IMMP2L: variants seen among roughly 807,000 people sequenced by gnomAD.
IMMP2L encodes the protein mitochondrial inner membrane protease subunit 2.
Under a neutral mutation model 19.3 loss-of-function variants are expected in IMMP2L, and 18 were observed. The observed-to-expected ratio is 0.93, with a 90% CI of 0.64 to 1.38. The LOEUF is 1.38. IMMP2L is among the 40% of genes most tolerant of loss of function. IMMP2L has a pLI of 0.00. For missense variants in IMMP2L, 233 were observed against 218.2 expected (o/e 1.07, Z -0.43); for synonymous variants, 76 against 73.0 (o/e 1.04, Z -0.21).
intron 5 of IMMP2L, among the ~76,000 whole-genome samples, chr7:110,782,816 G>A (rs1199549069): frequency 1.3e-5 from 2 of 151,962 alleles, no homozygotes; most frequent in African/African-American, 4.8e-5. Flanking sequence ...TAAAGTATGG[G>A]CATAGGAGCA....
intron 3 of IMMP2L, among the ~76,000 whole-genome samples, chr7:111,228,456 CA>C (rs1274144846): frequency 6.6e-6 from 1 of 150,960 alleles, no homozygotes; most frequent in Non-Finnish European, 1.5e-5. Context: ...AAATACCTCC[CA>C]AAAGCCAGGA....
intron 2 of IMMP2L, among the ~76,000 whole-genome samples, chr7:111,518,275 C>T (rs1346351264): frequency 3.9e-5 from 6 of 152,064 alleles, no homozygotes; most frequent in Admixed American, 2.0e-4. Flanking sequence ...AAAAACAATT[C>T]TTACAGCAAA....
intron 3 of IMMP2L, among the ~76,000 whole-genome samples, chr7:111,444,612 C>T (rs1487151079): frequency 6.6e-6 from 1 of 152,070 alleles, no homozygotes; most frequent in African/African-American, 2.4e-5. Flanking sequence ...TCTTCATTTT[C>T]CTCATCGCTT....
At chr7:111,169,997 T>G (rs1242378726) in intron 3 of IMMP2L, among the ~76,000 whole-genome samples, 1 of 151,906 alleles carries the variant, frequency 6.6e-6, no homozygotes, top group Non-Finnish European at 1.5e-5. Flanking sequence ...AAAAGATATG[T>G]AGATATAAAA....
chr7:110,684,942 A>T (rs1476895610), intron 5 of IMMP2L, among the ~76,000 whole-genome samples: 4 of 152,072 alleles, frequency 2.6e-5, no homozygotes, highest in Non-Finnish European at 1.5e-5. Flanking sequence ...CAACAGTTCC[A>T]AATTTTCCTT....
At chr7:111,483,779 T>C (rs1457424119) in intron 3 of IMMP2L, 1 of 152,152 alleles carries the variant, frequency 6.6e-6, no homozygotes, top group African/African-American at 2.4e-5. Context: ...AAGATTTCAG[T>C]GTAATGCAGA....
chr7:110,928,346 T>C (rs1208478132), intron 4 of IMMP2L, among the ~76,000 whole-genome samples: 2 of 134,262 alleles, frequency 1.5e-5, no homozygotes, highest in Non-Finnish European at 3.1e-5. Flanking sequence ...TGTGTATATG[T>C]ACCTGCACAC....
intron 5 of IMMP2L, among the ~76,000 whole-genome samples, chr7:110,753,529 T>C (rs891706736): frequency 1.1e-4 from 17 of 152,040 alleles, no homozygotes. Flanking sequence ...AATGCTGAAT[T>C]CTAAACTATT....
At chr7:110,886,177 T>G (rs1240279181) in intron 5 of IMMP2L, among the ~76,000 whole-genome samples, 1 of 152,116 alleles carries the variant, frequency 6.6e-6, no homozygotes, top group East Asian at 1.9e-4. Flanking sequence ...TTTACCAATA[T>G]GATTTCTATT....
chr7:110,963,139 A>C, intron 4 of IMMP2L: 1 of 1,454,418 alleles, frequency 6.9e-7, no homozygotes, highest in Non-Finnish European at 9.1e-7. Flanking sequence ...CTTCTAAAAT[A>C]GTTAAATGTT....
intron 3 of IMMP2L, among the ~76,000 whole-genome samples, chr7:110,992,878 A>C (rs571129104): frequency 6.6e-6 from 1 of 152,270 alleles, no homozygotes; most frequent in Non-Finnish European, 1.5e-5. Flanking sequence ...TTCAGTCCCC[A>C]GAGATAAAAT....
intron 3 of IMMP2L, among the ~76,000 whole-genome samples, chr7:111,478,833 T>C (rs534890162): frequency 4.8e-4 from 73 of 152,304 alleles, no homozygotes; most frequent in Admixed American, 2.0e-3. Flanking sequence ...TCCTGGCTTC[T>C]AATATGCATG....
intron 3 of IMMP2L, chr7:111,392,813 C>G (rs765929684): frequency 6.6e-6 from 3 of 456,508 alleles, no homozygotes; most frequent in South Asian, 3.1e-5. Flanking sequence ...ATTACTGGTG[C>G]ATTAAAAGTA....
intron 3 of IMMP2L, among the ~76,000 whole-genome samples, chr7:110,982,772 A>C (rs1821435553): frequency 6.6e-6 from 1 of 152,116 alleles, no homozygotes; most frequent in Non-Finnish European, 1.5e-5. Context: ...TTTCAACTAC[A>C]ACAAATGGAT....
At chr7:111,331,104 T>A (rs1184874731) in intron 3 of IMMP2L, among the ~76,000 whole-genome samples, 1 of 151,850 alleles carries the variant, frequency 6.6e-6, no homozygotes, top group East Asian at 1.9e-4. Context: ...TTGAAATCAG[T>A]TTGTTGAAGA....
At chr7:111,280,829 GGAGGCC>G (rs1175677714) in intron 3 of IMMP2L, among the ~76,000 whole-genome samples, 6 of 152,020 alleles carry the variant, frequency 3.9e-5, no homozygotes, top group African/African-American at 1.4e-4. Flanking sequence ...CAGGACTTTG[GGAGGCC>G]GAGGCAGGCA....
At chr7:111,259,848 T>C (rs1031388521) in intron 3 of IMMP2L, among the ~76,000 whole-genome samples, 4 of 152,136 alleles carry the variant, frequency 2.6e-5, no homozygotes, top group African/African-American at 9.7e-5. Context: ...TAAAAAATGT[T>C]TTAAATATTT....
chr7:110,854,805 C>G (rs1806584590), intron 5 of IMMP2L, among the ~76,000 whole-genome samples: 2 of 151,986 alleles, frequency 1.3e-5, no homozygotes, highest in African/African-American at 4.8e-5. Flanking sequence ...TTACTCATCT[C>G]TGCCTCATAC....
At position 110,977,055 on chromosome 7, in the gene IMMP2L, C is replaced by T. The variant is rs564349167; in HGVS notation, c.240-13490G>A. Among the ~76,000 whole-genome samples the T allele has an allele frequency of 4.9e-4, 74 of 151,958 alleles. 1 individual carries two copies. Among genetic ancestry groups the T allele is most frequent in the African/African-American group, 1.7e-3 (71 of 41,510 alleles). ...TTTTTAAAGAATATAAAAACCTCCTCGGATCAGGCAAAATGACAGACAAAC... is the reference window on the plus strand; with the variant it reads ...TTTTTAAAGAATATAAAAACCTCCTTGGATCAGGCAAAATGACAGACAAAC... On this transcript the variant is annotated intron_variant, in intron 3 of 5. Transcript: ENST00000405709.
Sources: allele counts gnomAD v4.1 joint callset (sites outside exome capture counted in the v4.1 genomes callset), GRCh38; gene constraint gnomAD v4.1.1; transcripts MANE v1.5; gene names NCBI Gene and HGNC (gene_info 2026-07-23, HGNC 2026-07-21).